PPP1R1B: variants seen among roughly 807,000 people sequenced by gnomAD.
PPP1R1B encodes the protein protein phosphatase 1 regulatory inhibitor subunit 1B, also known as protein phosphatase 1 regulatory subunit 1B.
PPP1R1B carries 13 observed loss-of-function variants against 28.2 expected under a neutral mutation model. That is an observed-to-expected ratio of 0.46 (90% confidence interval 0.30 to 0.73). The LOEUF (loss-of-function observed/expected upper bound fraction) is 0.73, where lower values mean the gene tolerates loss of function less well. Ranked by LOEUF, PPP1R1B falls within the 30% of genes least tolerant of loss-of-function variation. The pLI, the probability that PPP1R1B is intolerant of heterozygous loss-of-function variation, is 0.07. For synonymous variants in PPP1R1B, 102 were observed against 97.5 expected (o/e 1.05, Z -0.27); for missense variants, 236 against 256.7 (o/e 0.92, Z 0.55).
Position 39,627,491 on chromosome 17 carries a change from C to T in PPP1R1B, c.81+18C>T. ...TGGAGATGGTAAGGGGCCCGTGCCC[C>T]ACCCCGGCAGCGTACCCGACACACC... On this transcript the variant is annotated intron_variant, in intron 1 of 6. Coordinates refer to ENST00000254079, the MANE Select transcript of PPP1R1B (RefSeq NM_032192.4). 6.8e-7 allele frequency: 1 copy of T among 1,479,958 alleles called. No homozygotes were observed. Among genetic ancestry groups the T allele is most frequent in the South Asian group, 1.2e-5 (1 of 82,548 alleles). 91.7% of individuals were successfully genotyped at this position (1,479,958 alleles called of 1,614,324 possible). A position where few individuals can be genotyped will look rare whatever the true frequency, so the allele number is the denominator to read the frequency against.
intron 4 of PPP1R1B, 140 bp from the exon 5 acceptor site, chr17:39,633,743 C>T: frequency 1.2e-5 from 17 of 1,472,946 alleles, no homozygotes; most frequent in South Asian, 5.2e-5. Flanking sequence ...TCAACTTTGG[C>T]CTTTGAACTT....
chr17:39,629,292 C>A, intron 2 of PPP1R1B, 62 bp downstream of exon 2: 1 of 1,532,818 alleles, frequency 6.5e-7, no homozygotes. Flanking sequence ...TTCCTAGGGG[C>A]CCTGCCAAAG....
At chr17:39,629,086 C>T in intron 1 of PPP1R1B, 84 bp from the exon 2 acceptor site, 1 of 1,361,774 alleles carries the variant, frequency 7.3e-7, no homozygotes, top group Non-Finnish European at 1.0e-6. Context: ...CTGGGGACTC[C>T]AAAGCACTGT....
intron 1 of PPP1R1B, chr17:39,628,740 G>T: frequency 1.3e-5 from 13 of 989,042 alleles, no homozygotes; most frequent in Non-Finnish European, 1.6e-5. Context: ...ATGGCCCGTG[G>T]GGCATCTTCC....
intron 3 of PPP1R1B, 158 bp from the exon 4 acceptor site, chr17:39,629,814 C>A: frequency 1.1e-6 from 1 of 898,118 alleles, no homozygotes; most frequent in Non-Finnish European, 1.7e-6. Context: ...GGGGGGCCCC[C>A]CCTAAAGCCA....
At chr17:39,629,294 C>T in intron 2 of PPP1R1B, 64 bp downstream of exon 2, 1 of 1,523,580 alleles carries the variant, frequency 6.6e-7, no homozygotes, top group Non-Finnish European at 9.1e-7. Flanking sequence ...CCTAGGGGCC[C>T]TGCCAAAGTC....
intron 2 of PPP1R1B, 139 bp downstream of exon 2, chr17:39,629,369 G>C: frequency 8.0e-7 from 1 of 1,253,350 alleles, no homozygotes; most frequent in Admixed American, 1.7e-5. Context: ...AACTCTATTG[G>C]CTTTATTTAT....
chr17:39,630,980 A>T (rs112094896), intron 4 of PPP1R1B, among the ~76,000 whole-genome samples: 51 of 152,316 alleles, frequency 3.3e-4, no homozygotes, highest in African/African-American at 1.2e-3. Flanking sequence ...GAGGCAGGAG[A>T]ATCACTTGAA....
chr17:39,627,487 G>T lies in PPP1R1B; in HGVS notation c.81+14G>T. 1 of 1,495,266 alleles carries T rather than the reference G, an allele frequency of 6.7e-7. No homozygotes were observed. The highest frequency in any genetic ancestry group is 1.2e-5 in the South Asian group (1 of 83,462). 92.6% of individuals were successfully genotyped at this position (1,495,266 alleles called of 1,614,324 possible). On this transcript the variant is annotated intron_variant, in intron 1 of 6. Coordinates refer to ENST00000254079, the MANE Select transcript of PPP1R1B (RefSeq NM_032192.4). ...CAGGTGGAGATGGTAAGGGGCCCGT[G>T]CCCCACCCCGGCAGCGTACCCGACA...
chr17:39,631,895 TC>T lies in PPP1R1B; in HGVS notation c.241+1851del, dbSNP rs1567848550. ...TCTTCTCAGGAGAGAATTTAAGAAA[TC>T]CCTCTCCCTCCCACCTTGGGCTGGG... On this transcript the variant is annotated intron_variant, in intron 4 of 6. Transcript: ENST00000254079. Among the ~76,000 whole-genome samples the T allele has an allele frequency of 3.3e-5, 5 of 151,606 alleles. 1 individual carries two copies. The highest frequency in any genetic ancestry group is 3.3e-4 in the Admixed American group (5 of 15,252).
chr17:39,632,184 G>A (rs1450352150), intron 4 of PPP1R1B: 1 of 152,560 alleles, frequency 6.6e-6, no homozygotes, highest in Non-Finnish European at 1.5e-5. Context: ...AGGAAGACTT[G>A]TGGTGGGGGG....
intron 1 of PPP1R1B, 43 bp from the exon 2 acceptor site, chr17:39,629,127 G>A: frequency 6.3e-7 from 1 of 1,591,704 alleles, no homozygotes; most frequent in Non-Finnish European, 8.6e-7. Flanking sequence ...GTGGGGGAGG[G>A]CTGCAGGTGT....
chr17:39,635,228 CA>C (rs548167800), intron 5 of PPP1R1B, among the ~76,000 whole-genome samples: 3 of 150,894 alleles, frequency 2.0e-5, no homozygotes, highest in East Asian at 1.9e-4. Context: ...AACAAAACAA[CA>C]AAAAAAAACA....
chr17:39,629,483 C>T (rs2056860028), intron 2 of PPP1R1B, 57 bp from the exon 3 acceptor site: 2 of 1,606,934 alleles, frequency 1.2e-6, no homozygotes, highest in Non-Finnish European at 1.7e-6. Flanking sequence ...CTCTCTCCCT[C>T]TTCTCTTTTC....
intron 5 of PPP1R1B, among the ~76,000 whole-genome samples, chr17:39,634,898 A>T (rs2056905855): frequency 6.6e-6 from 1 of 152,226 alleles, no homozygotes; most frequent in South Asian, 2.1e-4. Context: ...CTGTTCCCTC[A>T]GGAAAAGCAG....
chr17:39,629,303 T>G, intron 2 of PPP1R1B, 73 bp downstream of exon 2: 1 of 1,498,064 alleles, frequency 6.7e-7, no homozygotes, highest in Non-Finnish European at 9.3e-7. Flanking sequence ...CCTGCCAAAG[T>G]CCCATGAACA....
chr17:39,630,511 G>GC (rs2056869626), intron 4 of PPP1R1B: 1 of 175,172 alleles, frequency 5.7e-6, no homozygotes, highest in Non-Finnish European at 1.2e-5. Flanking sequence ...GGAAAAGCAA[G>GC]CCATTCCTTT....
chr17:39,634,970 C>T (rs1344274303), intron 5 of PPP1R1B, among the ~76,000 whole-genome samples: 5 of 152,144 alleles, frequency 3.3e-5, no homozygotes, highest in Admixed American at 6.5e-5. Context: ...CCAAGGCTAG[C>T]GGATCACTTG....
chr17:39,633,448 T>G, intron 4 of PPP1R1B: 2 of 180,562 alleles, frequency 1.1e-5, no homozygotes, highest in Admixed American at 5.5e-5. Flanking sequence ...CCCCAAGAAA[T>G]GGAAAGTGGC....
Sources: allele counts gnomAD v4.1 joint callset (sites outside exome capture counted in the v4.1 genomes callset), GRCh38; gene constraint gnomAD v4.1.1; transcripts MANE v1.5; gene names NCBI Gene and HGNC (gene_info 2026-07-23, HGNC 2026-07-21).